The following ZNF28 variants were observed in gnomAD, a reference collection of about 807,000 sequenced individuals.
ZNF28 encodes zinc finger protein 28.
In ZNF28, 5 loss-of-function variants were observed where a neutral mutation model predicts 7.2. The ratio of observed to expected loss-of-function variants is 0.70; its 90% CI spans 0.36 to 1.46. The LOEUF is 1.46. Ranked by LOEUF, ZNF28 falls within the 40% of genes most tolerant of loss-of-function variation. The pLI, the probability that ZNF28 is intolerant of heterozygous loss-of-function variation, is 0.03. For synonymous variants in ZNF28, 288 were observed against 292.4 expected, an observed-to-expected ratio of 0.99 and a Z score of 0.15; for missense variants, 879 against 866.6, an observed-to-expected ratio of 1.01 and a Z score of -0.18.
At chr19:52,805,971 A>T (rs1408076563) in intron 3 of ZNF28, 1 of 152,076 alleles carries the variant, frequency 6.6e-6, no homozygotes, top group Admixed American at 6.6e-5. Flanking sequence ...CAACAGCAAA[A>T]CTCAGTCTCA....
In ZNF28 at chr19:52,800,331, C is replaced by T. The variant is rs376895345; in HGVS notation, c.1514G>A (p.Arg505Gln). The stretch of plus-strand genomic sequence containing the variant: ...ATGTTCTGTAAGGCATGAATCACTC[C>T]GGAAAGCCTTGTCACAAACCTTACA... ...YKCKVCDKAF[R>Q]SDSCLTEHQR... is the part of the protein sequence containing the mutation. The change falls in exon 4 of 4, where the codon CGG (arginine) becomes CAG (glutamine). Residue 505 changes from arginine to glutamine, a missense_variant. Arg to Gln is a conservative substitution (Grantham distance 43). This residue lies in a region of ZNF28 where 864 missense variants were observed against 830.2 expected (regional missense o/e 1.04). Coordinates refer to ENST00000457749, the MANE Select transcript of ZNF28 (RefSeq NM_006969.5). 112 of 1,613,496 alleles carry T rather than the reference C, an allele frequency of 6.9e-5. 1 individual carries two copies. Among genetic ancestry groups the T allele is most frequent in the Admixed American group, 6.7e-4 (40 of 59,936 alleles).
Position 52,817,928 on chromosome 19 carries a change from G to T in ZNF28, c.15+16C>A. The T allele has an allele frequency of 6.2e-7, 1 of 1,610,062 alleles. No homozygotes were observed. The stretch of plus-strand genomic sequence containing the variant: ...AAGGAAGGAGACAGAGCAATCCACC[G>T]AGAATACCATCTCACCTGAGGAAGA... On this transcript the variant is annotated intron_variant, in intron 2 of 3. Coordinates refer to ENST00000457749, the MANE Select transcript of ZNF28 (RefSeq NM_006969.5).
At chr19:52,814,645 G>A (rs1568659682) in intron 2 of ZNF28, among the ~76,000 whole-genome samples, 1 of 144,952 alleles carries the variant, frequency 6.9e-6, no homozygotes, top group East Asian at 2.0e-4. Context: ...TCAAAACTTT[G>A]GGAGGCTGAG....
intron 1 of ZNF28, among the ~76,000 whole-genome samples, chr19:52,820,274 C>A (rs1335226309): frequency 7.3e-6 from 1 of 137,056 alleles, no homozygotes; most frequent in African/African-American, 3.1e-5. Flanking sequence ...CCCGCCACCG[C>A]GCCCGGCTAA....
At chr19:52,816,883 G>C (rs1030555800) in intron 2 of ZNF28, among the ~76,000 whole-genome samples, 4 of 136,768 alleles carry the variant, frequency 2.9e-5, no homozygotes, top group Non-Finnish European at 4.7e-5. Flanking sequence ...AACGTGGAAT[G>C]AGAATACAGC....
chr19:52,813,915 G>A (rs2063088511), intron 2 of ZNF28, among the ~76,000 whole-genome samples: 1 of 146,252 alleles, frequency 6.8e-6, no homozygotes, highest in Non-Finnish European at 1.5e-5. Context: ...GAACAGGGAG[G>A]TGGGAGATGG....
At chr19:52,816,853 A>AATAATC (rs1196890229) in intron 2 of ZNF28, among the ~76,000 whole-genome samples, 1 of 142,424 alleles carries the variant, frequency 7.0e-6, no homozygotes, top group Non-Finnish European at 1.6e-5. Context: ...TAATAATAAT[A>AATAATC]ATAATAATAA....
In ZNF28 at chr19:52,801,416, G is replaced by C; in HGVS notation, c.429C>G (p.Ser143Arg). 2 of 1,614,212 alleles carry C rather than the reference G, an allele frequency of 1.2e-6. No homozygotes were observed. Among genetic ancestry groups the C allele is most frequent in the East Asian group, 2.2e-5 (1 of 44,884 alleles). The stretch of plus-strand genomic sequence containing the variant: ...GCAGTTCAGGCAGATGCGAATGAAA[G>C]CTTAATCCAAGCTGATCTTTAATAT... Reference protein sequence around the residue: ...NKHIKDQLGLSFHSHLPELHI... With the variant: ...NKHIKDQLGLRFHSHLPELHI... Residue 143 changes from serine to arginine, a missense_variant, in exon 4 of 4, where the codon AGC becomes AGG. Ser to Arg is a moderately radical substitution (Grantham distance 110, BLOSUM62 -1). This residue lies in a region of ZNF28 where 864 missense variants were observed against 830.2 expected (regional missense o/e 1.04). Coordinates refer to ENST00000457749, the MANE Select transcript of ZNF28 (RefSeq NM_006969.5).
chr19:52,811,804 G>A (rs1329595675), intron 2 of ZNF28, among the ~76,000 whole-genome samples: 3 of 149,144 alleles, frequency 2.0e-5, no homozygotes, highest in Non-Finnish European at 4.5e-5. Context: ...CCGTCCGGGA[G>A]GTGAGGGGCT....
intron 1 of ZNF28, among the ~76,000 whole-genome samples, chr19:52,821,371 C>A (rs1406070145): frequency 6.6e-6 from 1 of 152,098 alleles, no homozygotes; most frequent in African/African-American, 2.4e-5. Flanking sequence ...GTATACATTG[C>A]CCTGTAGCAG....
intron 3 of ZNF28, among the ~76,000 whole-genome samples, chr19:52,804,447 T>C (rs2062911558): frequency 6.6e-6 from 1 of 152,172 alleles, no homozygotes; most frequent in Admixed American, 6.5e-5. Flanking sequence ...CTTGGCGCAC[T>C]GCAACCTCCA....
intron 3 of ZNF28, among the ~76,000 whole-genome samples, chr19:52,804,903 A>C (rs1327123802): frequency 6.6e-6 from 1 of 152,198 alleles, no homozygotes; most frequent in Non-Finnish European, 1.5e-5. Flanking sequence ...TTATTAAACA[A>C]AGGAAGTTAA....
rs1231651769 is a variant in ZNF28, at chr19:52,800,201, C to T, written c.1644G>A (p.Glu548=). ...LACHHKLHTA[E]KPYKCEECEK... ...CACATTCTTCACATTTGTACGGTTT[C>T]TCTGCAGTATGAAGTTTATGATGAC... The change falls in exon 4 of 4, where the codon GAG becomes GAA. Residue 548 remains glutamate (E), a synonymous_variant. Coordinates refer to ENST00000457749, the MANE Select transcript of ZNF28 (RefSeq NM_006969.5). The T allele has an allele frequency of 1.2e-6, 2 of 1,613,226 alleles. No individual in the cohort carries two copies. Among genetic ancestry groups the T allele is most frequent in the Non-Finnish European group, 1.7e-6 (2 of 1,179,862 alleles).
rs1568655595 is a variant in ZNF28 at position 52,810,839 on chromosome 19, G to GTCCTC, written c.16-2707_16-2706insGAGGA. 7.4e-4 allele frequency: 109 copies of GTCCTC among 148,262 alleles called. 4 individuals are homozygous for GTCCTC. Among genetic ancestry groups the GTCCTC allele is most frequent in the African/African-American group, 6.2e-3 (99 of 15,902 alleles). 9.2% of individuals were successfully genotyped at this position (148,262 alleles called of 1,614,324 possible). On this transcript the variant is annotated intron_variant, in intron 2 of 3. Coordinates refer to ENST00000457749, the MANE Select transcript of ZNF28 (RefSeq NM_006969.5). ...ATATATATATATTTTTAAAAAAAGAGTCCCTCTCCCTCTCCCTCTCCCCCT... is the reference window on the plus strand; with the variant it reads ...ATATATATATATTTTTAAAAAAAGAGTCCTCTCCCTCTCCCTCTCCCTCTCCCCCT...
intron 3 of ZNF28, among the ~76,000 whole-genome samples, chr19:52,802,071 G>C (rs545676908): frequency 1.3e-5 from 2 of 152,078 alleles, no homozygotes; most frequent in South Asian, 2.1e-4. Flanking sequence ...AGCGTATTTA[G>C]TGTATACAAA....
chr19:52,800,196 G>A lies in ZNF28; in HGVS notation c.1649C>T (p.Pro550Leu), dbSNP rs761159075. The A allele has an allele frequency of 2.0e-5, 32 of 1,613,126 alleles. 1 individual carries two copies. The highest frequency in any genetic ancestry group is 9.0e-5 in the East Asian group (4 of 44,648). Residue 550 changes from proline (P) to leucine (L), a missense_variant, in exon 4 of 4, where the codon CCG becomes CTG. Transcript: ENST00000457749. ...CHHKLHTAEK[P>L]YKCEECEKVF... ...TTTCTCACATTCTTCACATTTGTACGGTTTCTCTGCAGTATGAAGTTTATG... is the reference window on the plus strand; with the variant it reads ...TTTCTCACATTCTTCACATTTGTACAGTTTCTCTGCAGTATGAAGTTTATG...
Position 52,809,836 on chromosome 19 carries a change from G to A in ZNF28, c.16-1703C>T, listed in dbSNP as rs1050345948. The A allele has an allele frequency of 6.4e-5, 36 of 561,912 alleles. No homozygotes were observed. In the East Asian group the frequency reaches 1.1e-3, roughly 17 times the overall value. The allele number at this position is 561,912 out of a possible 1,614,324, so 34.8% of individuals were successfully genotyped here. A position where few individuals can be genotyped will look rare whatever the true frequency, so the allele number is the denominator to read the frequency against. ...CTGAGCGGCGAAGGCGGCGGCGGCG[G>A]CGGTGGCGGTGGTGGCAGTAGCACT... On this transcript the variant is annotated intron_variant, in intron 2 of 3. Transcript: ENST00000457749.
At chr19:52,815,440 C>A (rs1469246430) in intron 2 of ZNF28, among the ~76,000 whole-genome samples, 1 of 145,462 alleles carries the variant, frequency 6.9e-6, no homozygotes. Context: ...ACACTTGAAC[C>A]CGGGAGGTAG....
intron 2 of ZNF28, among the ~76,000 whole-genome samples, chr19:52,811,157 G>GT (rs1277806049): frequency 1.3e-5 from 2 of 151,018 alleles, no homozygotes; most frequent in East Asian, 3.9e-4. Context: ...GCCTCCCGAG[G>GT]TGCCGGGATT....
Sources: gnomAD v4.1 joint callset for allele counts (sites outside exome capture counted in the v4.1 genomes callset) on GRCh38, gnomAD v4.1.1 for gene constraint, gnomAD v4.1.1 regional missense constraint, MANE v1.5 for transcripts, NCBI Gene and HGNC (gene_info 2026-07-23, HGNC 2026-07-21) for gene names.